Variants in ZMYM4 observed in about 807,000 individuals in gnomAD.
ZMYM4 encodes the protein zinc finger MYM-type protein 4.
A neutral mutation model predicts 183.2 loss-of-function variants in ZMYM4; 31 were observed. The observed-to-expected ratio is 0.17, with a 90% confidence interval of 0.13 to 0.23. The LOEUF (loss-of-function observed/expected upper bound fraction) is 0.23, where lower values mean the gene tolerates loss of function less well. Ranked by LOEUF, ZMYM4 falls within the 10% of genes least tolerant of loss-of-function variation. The probability of loss-of-function intolerance (pLI) is 1.00; values close to 1 mark genes in which losing one functional copy is unlikely to be tolerated. For missense variants in ZMYM4, 1,273 were observed against 1,840.3 expected (o/e 0.69, Z 5.64); for synonymous variants, 592 against 631.2 (o/e 0.94, Z 0.93).
chr1:35,387,523 A>G lies in ZMYM4; in HGVS notation c.2182A>G (p.Met728Val), dbSNP rs1644603061. The change falls in exon 13 of 30, where the codon ATG (methionine) becomes GTG (valine). Residue 728 changes from methionine to valine, a missense_variant. By Grantham distance (21) the Met-to-Val change is conservative (BLOSUM62 1). This residue lies in a region of ZMYM4 where 319 missense variants were observed against 518.1 expected (regional missense o/e 0.62). Coordinates refer to ENST00000314607, the MANE Select transcript of ZMYM4 (RefSeq NM_005095.3). ...TAAGAAAATAAATAATGTAATGGCA[A>G]TGTGTGAATATTGTAAAATTGAGAA... ...EYKKINNVMA[M>V]CEYCKIEKIV... 7 of 1,613,608 alleles carry G rather than the reference A, an allele frequency of 4.3e-6. No homozygotes were observed. The highest frequency in any genetic ancestry group is 5.9e-6 in the Non-Finnish European group (7 of 1,179,824).
intron 1 of ZMYM4, among the ~76,000 whole-genome samples, chr1:35,299,765 C>G (rs1475221469): frequency 6.6e-6 from 1 of 151,970 alleles, no homozygotes; most frequent in Non-Finnish European, 1.5e-5. Context: ...TTGCAGAAAG[C>G]AACCAACAGA....
At position 35,370,591 on chromosome 1, in the gene ZMYM4, C is replaced by T. The variant is rs768151541; in HGVS notation, c.1145C>T (p.Pro382Leu). Residue 382 changes from proline (P) to leucine (L), a missense_variant, in exon 7 of 30, where the codon CCT (proline) becomes CTT (leucine). Around this residue, in one of 6 missense-constraint regions of ZMYM4, gnomAD observed 384 missense variants for 465.6 expected, o/e 0.82. Coordinates refer to ENST00000314607, the MANE Select transcript of ZMYM4 (RefSeq NM_005095.3). ...GYTVPPARPP[P>L]PLTKKTCSSC... is the part of the protein sequence containing the mutation. The stretch of plus-strand genomic sequence containing the variant: ...ACAGTTCCACCTGCCCGCCCACCGC[C>T]TCCTCTCACCAAGAAAACTTGTTCA... The T allele has an allele frequency of 3.7e-6, 6 of 1,611,014 alleles. No homozygotes were observed. The highest frequency in any genetic ancestry group is 1.1e-5 in the South Asian group (1 of 90,708).
intron 7 of ZMYM4, among the ~76,000 whole-genome samples, chr1:35,374,750 C>T (rs560937171): frequency 8.6e-5 from 13 of 151,444 alleles, no homozygotes; most frequent in African/African-American, 2.7e-4. Context: ...ATGGAAAACA[C>T]GTAAGTTTTA....
At chr1:35,358,773 T>G in intron 2 of ZMYM4, 152 bp from the exon 3 acceptor site, 2 of 654,982 alleles carry the variant, frequency 3.1e-6, no homozygotes, top group Non-Finnish European at 4.9e-6. Flanking sequence ...TAGTTATATC[T>G]GTCACACCTA....
chr1:35,347,423 T>C (rs568547942), intron 2 of ZMYM4, among the ~76,000 whole-genome samples: 22 of 152,326 alleles, frequency 1.4e-4, no homozygotes, highest in African/African-American at 5.1e-4. Flanking sequence ...GAAGTTGTTA[T>C]AAATTTACTG....
rs1643884747 is a variant in ZMYM4, at chr1:35,358,982, C to T, written c.143C>T (p.Thr48Ile). 5.0e-6 allele frequency: 8 copies of T among 1,613,662 alleles called. 1 individual carries two copies. The East Asian group carries it at 1.8e-4, about 36-fold the overall frequency. The change falls in exon 3 of 30, where the codon ACC (threonine) becomes ATC (isoleucine). Residue 48 changes from threonine to isoleucine, a missense_variant. By Grantham distance (89) the Thr-to-Ile change is moderately conservative (BLOSUM62 -1). This residue lies in a region of ZMYM4 where 384 missense variants were observed against 465.6 expected (regional missense o/e 0.82). Transcript: ENST00000314607. ...GATATAGACCACAACTTAACTCCTA[C>T]CCTTGACAGCATGTCTTATGGAATG... ...SEDIDHNLTP[T>I]LDSMSYGMPN...
At chr1:35,352,529 T>C (rs530537897) in intron 2 of ZMYM4, among the ~76,000 whole-genome samples, 55 of 152,262 alleles carry the variant, frequency 3.6e-4, no homozygotes, top group African/African-American at 1.1e-3. Flanking sequence ...TCTCAGGTTA[T>C]CTCCTCTCAA....
chr1:35,350,947 C>G (rs988397372), intron 2 of ZMYM4: 13 of 673,758 alleles, frequency 1.9e-5, no homozygotes, highest in South Asian at 1.5e-4. Context: ...ATAGTCTGTG[C>G]GGCATATGCA....
chr1:35,348,536 T>G lies in ZMYM4; in HGVS notation c.86-10389T>G, dbSNP rs1643481707. Among the ~76,000 whole-genome samples, 3 of 152,252 alleles carry G rather than the reference T, an allele frequency of 2.0e-5. No individual in the cohort carries two copies. In the South Asian group the frequency reaches 6.2e-4, roughly 31 times the overall value. On this transcript the variant is annotated intron_variant, in intron 2 of 29. Coordinates refer to ENST00000314607, the MANE Select transcript of ZMYM4 (RefSeq NM_005095.3). ...CATTGTAGTTATTATCTCGTTCTCA[T>G]GCAGAGTTTTCTTTTGGCTATTGCC... is the stretch of plus-strand genomic sequence containing the variant.
chr1:35,330,502 T>C (rs531071513), intron 2 of ZMYM4, among the ~76,000 whole-genome samples: 1 of 152,302 alleles, frequency 6.6e-6, no homozygotes, highest in African/African-American at 2.4e-5. Context: ...CTTGAAGAAC[T>C]TTCCTGGAAA....
chr1:35,408,567 A>G lies in ZMYM4; in HGVS notation c.3948+408A>G, dbSNP rs545843787. ...AGCCTGGGCAACATAGGGAGACACT[A>G]TCTCTACAAAAAATAAAAAATTAGC... On this transcript the variant is annotated intron_variant, in intron 26 of 29. Coordinates refer to ENST00000314607, the MANE Select transcript of ZMYM4 (RefSeq NM_005095.3). 3.9e-5 allele frequency among the ~76,000 whole-genome samples: 6 copies of G among 152,134 alleles called. No homozygotes were observed. The South Asian group carries it at 1.0e-3, about 26-fold the overall frequency.
At chr1:35,331,290 A>G (rs1642735660) in intron 2 of ZMYM4, among the ~76,000 whole-genome samples, 1 of 152,178 alleles carries the variant, frequency 6.6e-6, no homozygotes, top group African/African-American at 2.4e-5. Context: ...ATTGAAAAAC[A>G]CCTCACAGTT....
chr1:35,379,050 C>A (rs558845796), intron 7 of ZMYM4, among the ~76,000 whole-genome samples: 42 of 152,190 alleles, frequency 2.8e-4, no homozygotes, highest in Non-Finnish European at 5.6e-4. Context: ...GATCTTCTAT[C>A]TAGACCACTA....
intron 1 of ZMYM4, 103 bp downstream of exon 1, chr1:35,269,188 T>G (rs895743766): frequency 2.3e-4 from 321 of 1,372,814 alleles, no homozygotes; most frequent in Admixed American, 6.4e-4. Context: ...GAGGCCCAGT[T>G]AGGACAAGGT....
Position 35,385,582 on chromosome 1 carries a change from T to A in ZMYM4, c.1710T>A (p.Val570=), listed in dbSNP as rs774918355. Residue 570 remains valine (V), a synonymous_variant, in exon 10 of 30, where the codon GTT becomes GTA. Coordinates refer to ENST00000314607, the MANE Select transcript of ZMYM4 (RefSeq NM_005095.3). ...TATCTGCTTACAGAGTTAAAATGGT[T>A]ACTTCTGCAGGTAATATTGGTTTCA... ...NCLSAYRVKM[V]TSAGVQVQCN... 2.1e-5 allele frequency: 33 copies of A among 1,601,672 alleles called. No individual in the cohort carries two copies. Among genetic ancestry groups the A allele is most frequent in the Non-Finnish European group, 2.7e-5 (32 of 1,176,458 alleles).
intron 1 of ZMYM4, among the ~76,000 whole-genome samples, chr1:35,294,272 T>C (rs1320170109): frequency 6.6e-6 from 1 of 152,200 alleles, no homozygotes; most frequent in Non-Finnish European, 1.5e-5. Context: ...GTGAAAACTC[T>C]GGGACTTGGA....
intron 1 of ZMYM4, among the ~76,000 whole-genome samples, chr1:35,304,844 A>AC (rs1553165015): frequency 4.4e-3 from 10 of 2,254 alleles, no homozygotes; most frequent in Non-Finnish European, 0.024. Context: ...CCACAAGTAA[A>AC]CTTTATTTTT....
chr1:35,345,689 C>T lies in ZMYM4; in HGVS notation c.86-13236C>T, dbSNP rs559055722. On this transcript the variant is annotated intron_variant, in intron 2 of 29. Transcript: ENST00000314607. Reference sequence around the variant, plus strand: ...CTTGAATTCCTGGGCTCAATCAGTCCGCCTGCCTTGGCCTCCCAAAGTGCT... The same window carrying T: ...CTTGAATTCCTGGGCTCAATCAGTCTGCCTGCCTTGGCCTCCCAAAGTGCT... Among the ~76,000 whole-genome samples, 9 of 152,284 alleles carry T rather than the reference C, an allele frequency of 5.9e-5. No individual in the cohort carries two copies. The South Asian group carries it at 1.0e-3, about 18-fold the overall frequency.
At chr1:35,410,734 C>T (rs1639856168) in intron 26 of ZMYM4, among the ~76,000 whole-genome samples, 1 of 151,876 alleles carries the variant, frequency 6.6e-6, no homozygotes, top group Admixed American at 6.6e-5. Flanking sequence ...TCGTGATCCG[C>T]CCACCTCGGC....
Sources: allele counts gnomAD v4.1 joint callset (sites outside exome capture counted in the v4.1 genomes callset), GRCh38; gene constraint gnomAD v4.1.1; regional missense constraint gnomAD v4.1.1; transcripts MANE v1.5; gene names NCBI Gene and HGNC (gene_info 2026-07-23, HGNC 2026-07-21).